CACNA1E: variants seen among roughly 807,000 people sequenced by gnomAD.
CACNA1E encodes calcium voltage-gated channel subunit alpha1 E, also known as voltage-dependent R-type calcium channel subunit alpha-1E.
Under a neutral mutation model 259.2 loss-of-function variants are expected in CACNA1E, and 40 were observed. The observed-to-expected ratio is 0.15, with a 90% CI of 0.12 to 0.20. The LOEUF (loss-of-function observed/expected upper bound fraction) is 0.20. Ranked by LOEUF, CACNA1E falls within the 10% of genes least tolerant of loss-of-function variation. The pLI, the probability that CACNA1E is intolerant of heterozygous loss-of-function variation, is 1.00. For missense variants in CACNA1E, 1,874 were observed against 3,040.1 expected (o/e 0.62, Z 9.02); for synonymous variants, 1,104 against 1,138.5 (o/e 0.97, Z 0.61).
chr1:181,753,628 C>T (rs1045177755), intron 27 of CACNA1E, among the ~76,000 whole-genome samples: 2 of 152,186 alleles, frequency 1.3e-5, no homozygotes, highest in Admixed American at 6.5e-5. Context: ...AAGCCTGCCA[C>T]GGAGGACACA....
rs116198720 is a variant in CACNA1E, at chr1:181,762,804, A to G, written c.4689+147A>G. On this transcript the variant is annotated intron_variant, in intron 33 of 47. Transcript: ENST00000367573. ...GGAATTTACTCCCTTGCTGCTTGGC[A>G]TCAGCCAGGGAATGCAAACTTGGGA... 14,120 of 630,478 alleles carry G rather than the reference A, an allele frequency of 0.022. 210 individuals are homozygous for G. Among genetic ancestry groups the G allele is most frequent in the Non-Finnish European group, 0.028 (10,133 of 356,710 alleles). 39.1% of individuals were successfully genotyped at this position (630,478 alleles called of 1,614,324 possible). A position where few individuals can be genotyped will look rare whatever the true frequency, so the allele number is the denominator to read the frequency against.
intron 2 of CACNA1E, among the ~76,000 whole-genome samples, chr1:181,478,463 G>A (rs761996153): frequency 4.6e-5 from 7 of 152,214 alleles, no homozygotes; most frequent in Non-Finnish European, 1.0e-4. Flanking sequence ...CTATGCATTT[G>A]CACATGGTCT....
upstream of CACNA1E, among the ~76,000 whole-genome samples, chr1:181,483,072 C>T (rs1558039635): frequency 6.6e-6 from 1 of 152,218 alleles, no homozygotes; most frequent in Non-Finnish European, 1.5e-5. Context: ...ATCGCTCTCC[C>T]CACCTCCCTC....
At chr1:181,754,319 C>CA (rs1657878392) in intron 27 of CACNA1E, among the ~76,000 whole-genome samples, 1 of 151,906 alleles carries the variant, frequency 6.6e-6, no homozygotes, top group African/African-American at 2.4e-5. Context: ...GGGTGCCTGT[C>CA]ACTTACATTC....
chr1:181,765,029 C>A (rs1452676488), intron 34 of CACNA1E, among the ~76,000 whole-genome samples: 1 of 152,120 alleles, frequency 6.6e-6, no homozygotes, highest in Non-Finnish European at 1.5e-5. Flanking sequence ...GTTCCCTTTT[C>A]AGAACAGTTC....
chr1:181,542,751 G>A (rs934820533), intron 3 of CACNA1E, among the ~76,000 whole-genome samples: 3 of 151,686 alleles, frequency 2.0e-5, no homozygotes, highest in South Asian at 2.1e-4. Flanking sequence ...CTTTATAGCA[G>A]TATGAAATCG....
At chr1:181,558,490 G>A (rs1470663592) in intron 3 of CACNA1E, among the ~76,000 whole-genome samples, 3 of 152,160 alleles carry the variant, frequency 2.0e-5, no homozygotes, top group African/African-American at 7.2e-5. Flanking sequence ...GGGTGGTTTG[G>A]GAAACCTTCC....
chr1:181,624,236 A>G (rs1005026851), intron 6 of CACNA1E, among the ~76,000 whole-genome samples: 1 of 152,186 alleles, frequency 6.6e-6, no homozygotes, highest in African/African-American at 2.4e-5. Context: ...GACACCTCCC[A>G]TTAGGCCCCA....
intron 2 of CACNA1E, among the ~76,000 whole-genome samples, chr1:181,440,170 G>T (rs551198190): frequency 1.3e-5 from 2 of 152,176 alleles, no homozygotes; most frequent in Non-Finnish European, 2.9e-5. Flanking sequence ...CCAGCATTGG[G>T]CTACATATTT....
In CACNA1E at chr1:181,327,999, C is replaced by T. The variant is rs932191602; in HGVS notation, c.-15+9876C>T. Among the ~76,000 whole-genome samples, 5 of 152,196 alleles carry T rather than the reference C, an allele frequency of 3.3e-5. 1 individual carries two copies. Among genetic ancestry groups the T allele is most frequent in the African/African-American group, 9.7e-5 (4 of 41,438 alleles). On this transcript the variant is annotated intron_variant, in intron 1 of 11. Coordinates refer to the CACNA1E transcript ENST00000524607. ...TGGGATGCTGGAGCCTCTCTCTTCA[C>T]GATTTCACGTCCTCAGAGAGGCCAG...
In CACNA1E at chr1:181,393,540, C is replaced by G. The variant is rs145190220; in HGVS notation, c.-14-19593C>G. On this transcript the variant is annotated intron_variant, in intron 1 of 11. Coordinates refer to the CACNA1E transcript ENST00000524607. ...TAGCGTGATCTTGGCTCACTGCAAC[C>G]TCTGCCTTCCAGGCTCAAGCGATCC... Among the ~76,000 whole-genome samples the G allele has an allele frequency of 2.0e-5, 3 of 152,346 alleles. No homozygotes were observed. In the East Asian group the frequency reaches 5.8e-4, roughly 29 times the overall value.
chr1:181,706,450 T>C (rs1572656715), intron 7 of CACNA1E, among the ~76,000 whole-genome samples: 1 of 152,312 alleles, frequency 6.6e-6, no homozygotes, highest in East Asian at 1.9e-4. Context: ...AGCTGAATCT[T>C]ATTTGCTCCT....
intron 2 of CACNA1E, among the ~76,000 whole-genome samples, chr1:181,477,617 C>T (rs906137416): frequency 6.6e-6 from 1 of 152,100 alleles, no homozygotes; most frequent in Non-Finnish European, 1.5e-5. Context: ...CTCTTTCTGA[C>T]CTGATCTCAG....
chr1:181,558,866 G>A (rs1476103350), intron 3 of CACNA1E, among the ~76,000 whole-genome samples: 2 of 152,086 alleles, frequency 1.3e-5, no homozygotes, highest in African/African-American at 4.8e-5. Flanking sequence ...TGAGGACGTT[G>A]GCAGTAGGGA....
intron 38 of CACNA1E, among the ~76,000 whole-genome samples, chr1:181,777,551 T>C (rs1365970305): frequency 6.6e-6 from 1 of 152,226 alleles, no homozygotes; most frequent in Non-Finnish European, 1.5e-5. Flanking sequence ...TGGTCTTACT[T>C]TCTAATAAAT....
chr1:181,575,024 C>CAAA (rs55919598), intron 3 of CACNA1E, among the ~76,000 whole-genome samples: 1,971 of 147,528 alleles, frequency 0.013, 25 homozygotes, highest in Middle Eastern at 0.025. Context: ...GACTCTGTCT[C>CAAA]AAAAAAAAAA....
At chr1:181,350,958 G>T (rs1026036710) in intron 1 of CACNA1E, among the ~76,000 whole-genome samples, 1 of 152,132 alleles carries the variant, frequency 6.6e-6, no homozygotes, top group Non-Finnish European at 1.5e-5. Context: ...ACAAGTAAAT[G>T]AGCAAATAAG....
chr1:181,363,959 T>C (rs1204033783), intron 1 of CACNA1E, among the ~76,000 whole-genome samples: 1 of 152,146 alleles, frequency 6.6e-6, no homozygotes, highest in Non-Finnish European at 1.5e-5. Context: ...TAAGCCCTTA[T>C]GAATTCCTGA....
chr1:181,387,003 C>G (rs1425384741), intron 1 of CACNA1E, among the ~76,000 whole-genome samples: 1 of 152,164 alleles, frequency 6.6e-6, no homozygotes, highest in East Asian at 1.9e-4. Flanking sequence ...CTCCTGATTT[C>G]CTTGGGCTGA....
Sources: allele counts gnomAD v4.1 joint callset (sites outside exome capture counted in the v4.1 genomes callset), GRCh38; gene constraint gnomAD v4.1.1; transcripts MANE v1.5; gene names NCBI Gene and HGNC (gene_info 2026-07-23, HGNC 2026-07-21).